Variants in DACH2 observed in about 807,000 individuals in gnomAD.
DACH2 encodes dachshund homolog 2.
DACH2 carries 17 observed loss-of-function variants against 35.8 expected under a neutral mutation model. That is an observed-to-expected ratio of 0.48 (90% confidence interval 0.33 to 0.71). DACH2 has a LOEUF of 0.71. DACH2 is among the 30% of genes least tolerant of loss of function. The pLI is 0.02. For synonymous variants in DACH2, 195 were observed against 177.3 expected (o/e 1.10, Z -0.79); for missense variants, 469 against 472.7 (o/e 0.99, Z 0.07).
At chrX:86,400,841 G>T (rs1000110344) in intron 2 of DACH2, among the ~76,000 whole-genome samples, 5 of 112,363 alleles carry the variant, frequency 4.4e-5, no homozygotes, top group African/African-American at 1.6e-4. Context: ...CCCACTTGAG[G>T]AGGCAATCTG....
intron 5 of DACH2, among the ~76,000 whole-genome samples, chrX:86,696,175 A>T (rs922239119): frequency 2.7e-5 from 3 of 111,560 alleles, no homozygotes; most frequent in African/African-American, 9.8e-5. Flanking sequence ...ATAGGGTTTC[A>T]TTACTCTCTT....
chrX:86,536,130 A>G (rs2038795967), intron 3 of DACH2, among the ~76,000 whole-genome samples: 1 of 110,653 alleles, frequency 9.0e-6, no homozygotes, highest in Admixed American at 9.7e-5. Flanking sequence ...TTACAGCAAA[A>G]TTTTTGCTGT....
intron 5 of DACH2, among the ~76,000 whole-genome samples, chrX:86,704,430 A>C (rs1413969938): frequency 1.8e-5 from 2 of 111,442 alleles, no homozygotes; most frequent in Non-Finnish European, 3.8e-5. Flanking sequence ...TGTAATAAAA[A>C]TAAATAAATA....
At chrX:86,705,152 T>C (rs1278293684) in intron 5 of DACH2, among the ~76,000 whole-genome samples, 1 of 104,342 alleles carries the variant, frequency 9.6e-6, no homozygotes, top group Non-Finnish European at 1.9e-5. Flanking sequence ...GCAGCCTAGA[T>C]GGAACTGGAG....
intron 2 of DACH2, among the ~76,000 whole-genome samples, chrX:86,377,691 T>G (rs2035989609): frequency 9.1e-6 from 1 of 110,465 alleles, no homozygotes; most frequent in South Asian, 3.8e-4. Flanking sequence ...CCCCTTTCTT[T>G]AGGGCTGCCC....
intron 1 of DACH2, among the ~76,000 whole-genome samples, chrX:86,227,315 T>A (rs1358701288): frequency 2.7e-5 from 3 of 112,072 alleles, no homozygotes; most frequent in Non-Finnish European, 5.7e-5. Flanking sequence ...GGACTTAGTT[T>A]TCTACTTGTA....
intron 6 of DACH2, among the ~76,000 whole-genome samples, chrX:86,726,729 C>A (rs1322207652): frequency 1.8e-5 from 2 of 111,892 alleles, no homozygotes; most frequent in Non-Finnish European, 3.8e-5. Flanking sequence ...AGGCCCAAGG[C>A]CTGTGGTGAT....
At chrX:86,266,618 G>A (rs1378366534) in intron 1 of DACH2, among the ~76,000 whole-genome samples, 3 of 111,608 alleles carry the variant, frequency 2.7e-5, no homozygotes, top group Admixed American at 1.9e-4. Flanking sequence ...ATAGTTAATA[G>A]TGTGGGTTCT....
intron 5 of DACH2, among the ~76,000 whole-genome samples, chrX:86,695,590 A>G (rs1442014290): frequency 9.2e-6 from 1 of 108,284 alleles, no homozygotes; most frequent in Non-Finnish European, 1.9e-5. Flanking sequence ...GGCTCATTGC[A>G]ACCTCCGCCT....
chrX:86,440,015 C>T (rs1164616593), intron 2 of DACH2, among the ~76,000 whole-genome samples: 1 of 111,062 alleles, frequency 9.0e-6, no homozygotes, highest in Non-Finnish European at 1.9e-5. Context: ...TAAAATTGTT[C>T]AGGGTTTTTT....
At chrX:86,687,216 A>AT (rs1355518636) in intron 4 of DACH2, among the ~76,000 whole-genome samples, 1 of 110,965 alleles carries the variant, frequency 9.0e-6, no homozygotes, top group Non-Finnish European at 1.9e-5. Flanking sequence ...CATTTGTTTG[A>AT]TTTTTTTCAT....
chrX:86,653,143 G>T (rs6623752), intron 4 of DACH2, among the ~76,000 whole-genome samples: 11,775 of 111,007 alleles, frequency 0.11, 541 homozygotes, highest in South Asian at 0.34. Flanking sequence ...TTCAGTCTTC[G>T]GCATACAGCT....
chrX:86,476,161 G>A (rs1477689835), intron 2 of DACH2, among the ~76,000 whole-genome samples: 1 of 111,646 alleles, frequency 9.0e-6, no homozygotes. Context: ...TCTTTGTCTG[G>A]TTTTGGTATC....
At chrX:86,274,775 G>A (rs1436207176) in intron 1 of DACH2, among the ~76,000 whole-genome samples, 2 of 110,671 alleles carry the variant, frequency 1.8e-5, no homozygotes, top group African/African-American at 3.3e-5. Flanking sequence ...TGAGATTACA[G>A]GCATGAGCCA....
In DACH2 at chrX:86,428,751, C is replaced by T. The variant is rs1378406418; in HGVS notation, c.527+51889C>T. 5.6e-5 allele frequency among the ~76,000 whole-genome samples: 6 copies of T among 106,583 alleles called. No homozygotes were observed. The East Asian group carries it at 8.8e-4, about 16-fold the overall frequency. The allele number at this position is 106,583 out of a possible 115,157, so 92.6% of individuals were successfully genotyped here. On this transcript the variant is annotated intron_variant, in intron 2 of 11. Coordinates refer to ENST00000373125, the MANE Select transcript of DACH2 (RefSeq NM_053281.3). ...TATTTAAATTCCCATTCCTAAGTTT[C>T]GATTCACTAGGTTTTTTGAAAAAAA...
chrX:86,785,274 G>C (rs73510199), intron 7 of DACH2, among the ~76,000 whole-genome samples: 134 of 111,782 alleles, frequency 1.2e-3, no homozygotes, highest in African/African-American at 3.1e-3. Context: ...AAATCTAGGA[G>C]AGAGGTACAG....
intron 1 of DACH2, among the ~76,000 whole-genome samples, chrX:86,179,579 C>A (rs997661378): frequency 8.9e-6 from 1 of 111,856 alleles, no homozygotes; most frequent in Admixed American, 9.6e-5. Context: ...TGACACATGT[C>A]ATCTATTGGC....
At chrX:86,702,611 G>C (rs1247880684) in intron 5 of DACH2, among the ~76,000 whole-genome samples, 1 of 111,361 alleles carries the variant, frequency 9.0e-6, no homozygotes, top group Non-Finnish European at 1.9e-5. Context: ...CAACACCACA[G>C]AAATTCAAAA....
At chrX:86,227,575 C>T (rs1397406486) in intron 1 of DACH2, among the ~76,000 whole-genome samples, 2 of 110,754 alleles carry the variant, frequency 1.8e-5, no homozygotes, top group African/African-American at 6.5e-5. Flanking sequence ...TAGGCAACCC[C>T]CTCGCCCATC....
Sources: allele counts gnomAD v4.1 joint callset (sites outside exome capture counted in the v4.1 genomes callset), GRCh38; gene constraint gnomAD v4.1.1; transcripts MANE v1.5; gene names NCBI Gene and HGNC (gene_info 2026-07-23, HGNC 2026-07-21).